The following XKR6 variants were observed in gnomAD, a reference collection of about 807,000 sequenced individuals.
The protein encoded by XKR6 is XK-related protein 6.
A neutral mutation model predicts 56.7 loss-of-function variants in XKR6; 22 were observed. That is an observed-to-expected ratio of 0.39 (90% CI 0.28 to 0.55). XKR6 has a LOEUF of 0.55. XKR6 is among the 20% of genes least tolerant of loss of function. The pLI is 0.66. For synonymous variants in XKR6, 524 were observed against 387.8 expected (o/e 1.35, Z -4.13); for missense variants, 852 against 889.0 (o/e 0.96, Z 0.53).
At chr8:11,097,535 C>T (rs772874838) in intron 1 of XKR6, among the ~76,000 whole-genome samples, 32 of 150,482 alleles carry the variant, frequency 2.1e-4, no homozygotes, top group Non-Finnish European at 4.0e-4. Context: ...AGGCTGGGTG[C>T]GGTGTCTCAC....
intron 1 of XKR6, among the ~76,000 whole-genome samples, chr8:11,167,365 G>A (rs192952186): frequency 6.6e-6 from 1 of 152,264 alleles, no homozygotes; most frequent in African/African-American, 2.4e-5. Flanking sequence ...GTTCCAATAG[G>A]AACAAGTAGA....
chr8:10,962,182 A>G (rs1200527132), intron 1 of XKR6, among the ~76,000 whole-genome samples: 3 of 152,234 alleles, frequency 2.0e-5, no homozygotes, highest in Non-Finnish European at 4.4e-5. Context: ...TTTTTAAAGA[A>G]GTAAGAAAAT....
rs183755674 is a variant in XKR6 at position 10,955,397 on chromosome 8, C to A, written c.765-30567G>T. On this transcript the variant is annotated intron_variant, in intron 1 of 2. Coordinates refer to ENST00000416569, the MANE Select transcript of XKR6 (RefSeq NM_173683.4). ...AGTGTCACTATGTTATCCAGGCTAG[C>A]CTTGAACTTTTGGGCTCTTGTGATC... Among the ~76,000 whole-genome samples the A allele has an allele frequency of 7.7e-4, 117 of 151,754 alleles. 1 individual carries two copies. The highest frequency in any genetic ancestry group is 2.6e-3 in the African/African-American group (106 of 41,366).
chr8:10,959,369 G>C (rs1294850710), intron 1 of XKR6, among the ~76,000 whole-genome samples: 1 of 152,160 alleles, frequency 6.6e-6, no homozygotes, highest in Admixed American at 6.5e-5. Flanking sequence ...GTTATAGGGA[G>C]ACTGGTTTTG....
chr8:11,156,678 A>G (rs1318200383), intron 1 of XKR6, among the ~76,000 whole-genome samples: 3 of 152,230 alleles, frequency 2.0e-5, no homozygotes, highest in Non-Finnish European at 4.4e-5. Flanking sequence ...TCAAAATACT[A>G]CAAAGTGACT....
intron 1 of XKR6, among the ~76,000 whole-genome samples, chr8:11,069,851 G>C (rs1800072938): frequency 6.6e-6 from 1 of 152,182 alleles, no homozygotes; most frequent in Admixed American, 6.5e-5. Flanking sequence ...TTTGTGACAG[G>C]AGAGCTTCTA....
Position 11,104,004 on chromosome 8 carries a change from TCCC to T in XKR6, c.764+96569_764+96571del, listed in dbSNP as rs1423551011. ...AATACTGCAAATGAAGTCCAAAATA[TCCC>T]TCGTACCAATTTCATTTTATTCAGT... On this transcript the variant is annotated intron_variant, in intron 1 of 2. Coordinates refer to ENST00000416569, the MANE Select transcript of XKR6 (RefSeq NM_173683.4). Among the ~76,000 whole-genome samples, 218 of 152,268 alleles carry T rather than the reference TCCC, an allele frequency of 1.4e-3. 1 individual carries two copies. The South Asian group carries it at 0.016, about 11-fold the overall frequency.
chr8:11,041,645 T>C (rs1049490420), intron 1 of XKR6, among the ~76,000 whole-genome samples: 3 of 151,756 alleles, frequency 2.0e-5, no homozygotes, highest in Non-Finnish European at 4.4e-5. Flanking sequence ...CAACTGCTGG[T>C]ACGTGGGTAG....
At chr8:10,996,776 G>A (rs1185790169) in intron 1 of XKR6, among the ~76,000 whole-genome samples, 6 of 152,074 alleles carry the variant, frequency 3.9e-5, no homozygotes, top group Non-Finnish European at 8.8e-5. Context: ...ACTTTGAGGG[G>A]CCAAGGTGGG....
At chr8:11,018,662 ATGT>A (rs1798680117) in intron 1 of XKR6, among the ~76,000 whole-genome samples, 2 of 152,168 alleles carry the variant, frequency 1.3e-5, no homozygotes, top group Admixed American at 6.5e-5. Flanking sequence ...TATTTGTGAA[ATGT>A]TGTCTTTCTC....
At chr8:11,078,678 C>A (rs1013016093) in intron 1 of XKR6, among the ~76,000 whole-genome samples, 1 of 152,162 alleles carries the variant, frequency 6.6e-6, no homozygotes, top group Non-Finnish European at 1.5e-5. Context: ...CATGACAGCA[C>A]GAAGGCTGGG....
intron 1 of XKR6, among the ~76,000 whole-genome samples, chr8:10,992,297 A>G (rs112298035): frequency 0.029 from 4,452 of 152,184 alleles, 221 homozygotes; most frequent in African/African-American, 0.1. Flanking sequence ...TCACACACAC[A>G]CACACACACA....
At chr8:11,002,648 C>T (rs1309569222) in intron 1 of XKR6, among the ~76,000 whole-genome samples, 4 of 152,250 alleles carry the variant, frequency 2.6e-5, no homozygotes, top group Non-Finnish European at 4.4e-5. Flanking sequence ...CGTGACAAGT[C>T]ATCATTCTCA....
intron 2 of XKR6, among the ~76,000 whole-genome samples, chr8:10,915,264 G>T (rs1294793372): frequency 6.6e-6 from 1 of 152,228 alleles, no homozygotes; most frequent in African/African-American, 2.4e-5. Flanking sequence ...GCACATAGTA[G>T]GTGATTAGGG....
chr8:10,938,345 A>G (rs1474727718), intron 1 of XKR6, among the ~76,000 whole-genome samples: 11 of 152,200 alleles, frequency 7.2e-5, no homozygotes, highest in Non-Finnish European at 1.3e-4. Flanking sequence ...ATGGAAATGC[A>G]GAAATCCCCC....
chr8:10,963,040 C>T (rs1199943359), intron 1 of XKR6, among the ~76,000 whole-genome samples: 1 of 152,170 alleles, frequency 6.6e-6, no homozygotes, highest in African/African-American at 2.4e-5. Flanking sequence ...TGGCTCCTGC[C>T]CGGCACCCCT....
At chr8:11,181,328 G>A (rs565107303) in intron 1 of XKR6, among the ~76,000 whole-genome samples, 2 of 152,066 alleles carry the variant, frequency 1.3e-5, no homozygotes, top group African/African-American at 2.4e-5. Flanking sequence ...AGATTCTTTG[G>A]TGCTAGACAA....
intron 2 of XKR6, among the ~76,000 whole-genome samples, chr8:10,905,411 G>A (rs568062341): frequency 6.6e-6 from 1 of 152,234 alleles, no homozygotes; most frequent in South Asian, 2.1e-4. Flanking sequence ...CATTTCTTGA[G>A]CTCTTTATGG....
intron 1 of XKR6, among the ~76,000 whole-genome samples, chr8:10,951,611 G>A (rs968090962): frequency 2.6e-5 from 4 of 152,226 alleles, no homozygotes; most frequent in African/African-American, 9.6e-5. Context: ...CTGCAGAATG[G>A]GAAGGCTGGT....
Sources: allele counts gnomAD v4.1 joint callset (sites outside exome capture counted in the v4.1 genomes callset), GRCh38; gene constraint gnomAD v4.1.1; transcripts MANE v1.5; gene names NCBI Gene and HGNC (gene_info 2026-07-23, HGNC 2026-07-21).